The following UGGT2 variants were observed in gnomAD, a reference collection of about 807,000 sequenced individuals.
UGGT2 encodes UDP-glucose glycoprotein glucosyltransferase 2.
Under a neutral mutation model 192.1 loss-of-function variants are expected in UGGT2, and 180 were observed. The observed-to-expected ratio is 0.94, with a 90% confidence interval of 0.83 to 1.06. The LOEUF is 1.06. UGGT2 is among the 50% of genes least tolerant of loss of function. The pLI, the probability that UGGT2 is intolerant of heterozygous loss-of-function variation, is 0.00. For synonymous variants in UGGT2, 580 were observed against 591.0 expected, an observed-to-expected ratio of 0.98 and a Z score of 0.27; for missense variants, 1,849 against 1,795.7, an observed-to-expected ratio of 1.03 and a Z score of -0.54.
At chr13:96,030,959 T>C (rs1352931384) in intron 2 of UGGT2, among the ~76,000 whole-genome samples, 2 of 152,164 alleles carry the variant, frequency 1.3e-5, no homozygotes, top group African/African-American at 4.8e-5. Flanking sequence ...ATTCTGCCAA[T>C]AAAAATGCAA....
chr13:95,900,220 T>C (rs1040780757), intron 22 of UGGT2, among the ~76,000 whole-genome samples: 7 of 152,006 alleles, frequency 4.6e-5, no homozygotes, highest in Non-Finnish European at 5.9e-5. Context: ...GGATGTATTC[T>C]AAAAAACCAA....
At chr13:95,969,056 C>T (rs1221638621) in intron 12 of UGGT2, among the ~76,000 whole-genome samples, 2 of 152,172 alleles carry the variant, frequency 1.3e-5, no homozygotes, top group Admixed American at 6.5e-5. Flanking sequence ...AGAGTTTATA[C>T]AATCTGAGTT....
intron 37 of UGGT2, among the ~76,000 whole-genome samples, chr13:95,834,192 T>C (rs185009805): frequency 7.4e-4 from 111 of 149,798 alleles, no homozygotes; most frequent in Non-Finnish European, 1.4e-3. Flanking sequence ...TTATGTTTTG[T>C]TTAGCTATTT....
chr13:95,870,644 C>T (rs1171142326), intron 29 of UGGT2, among the ~76,000 whole-genome samples: 2 of 152,210 alleles, frequency 1.3e-5, no homozygotes, highest in African/African-American at 4.8e-5. Context: ...GGATCCAGCC[C>T]TCCTGGAGAG....
chr13:95,947,589 T>C (rs1269936812), intron 14 of UGGT2, among the ~76,000 whole-genome samples: 10 of 152,178 alleles, frequency 6.6e-5, no homozygotes, highest in Admixed American at 6.5e-4. Context: ...TAGCTGGGAC[T>C]ATAGGTGCGC....
In UGGT2 at chr13:95,877,927, ATG is replaced by A. The variant is rs910808311; in HGVS notation, c.3229-73_3229-72del. The A allele has an allele frequency of 4.0e-5, 58 of 1,439,950 alleles. No individual in the cohort carries two copies. In the Admixed American group the frequency reaches 1.2e-3, roughly 30 times the overall value. 89.2% of individuals were successfully genotyped at this position (1,439,950 alleles called of 1,614,324 possible). On this transcript the variant is annotated intron_variant, in intron 27 of 38. Coordinates refer to ENST00000376747, the MANE Select transcript of UGGT2 (RefSeq NM_020121.4). ...TAATACAAAATTTTGAAATAAATAA[ATG>A]TGATTATTTTAATATTGGCCAATGT...
intron 38 of UGGT2, among the ~76,000 whole-genome samples, chr13:95,827,653 T>C (rs976526545): frequency 6.6e-6 from 1 of 152,244 alleles, no homozygotes. Flanking sequence ...ATGTAAATTA[T>C]AAAAGATATA....
chr13:95,928,874 GATC>G (rs1208781229), intron 17 of UGGT2, among the ~76,000 whole-genome samples: 1 of 152,184 alleles, frequency 6.6e-6, no homozygotes, highest in African/African-American at 2.4e-5. Context: ...AGTGAGCCGA[GATC>G]ATGCCACTGC....
intron 10 of UGGT2, among the ~76,000 whole-genome samples, chr13:95,978,242 G>A (rs759868383): frequency 6.6e-5 from 10 of 152,040 alleles, no homozygotes; most frequent in South Asian, 4.1e-4. Context: ...ATTTTAACAC[G>A]TGAGACACTA....
chr13:96,026,873 T>G (rs929472841), intron 2 of UGGT2, among the ~76,000 whole-genome samples: 2 of 151,768 alleles, frequency 1.3e-5, no homozygotes, highest in African/African-American at 4.8e-5. Context: ...GGGTTTCACC[T>G]TGTTAGCCAG....
chr13:96,014,045 A>G (rs2052249228), intron 4 of UGGT2, among the ~76,000 whole-genome samples: 1 of 152,170 alleles, frequency 6.6e-6, no homozygotes, highest in Non-Finnish European at 1.5e-5. Flanking sequence ...ATTTCACAAG[A>G]AAAATTAGAC....
chr13:95,948,227 AC>A, intron 13 of UGGT2, 146 bp from the exon 14 acceptor site: 2 of 442,500 alleles, frequency 4.5e-6, no homozygotes, highest in Non-Finnish European at 8.3e-6. Context: ...ATACACACAC[AC>A]ACACACACAC....
At position 95,877,334 on chromosome 13, in the gene UGGT2, C is replaced by T. The variant is rs1444325231; in HGVS notation, c.3418G>A (p.Ala1140Thr). Residue 1140 changes from alanine to threonine, a missense_variant, in exon 29 of 39, where the codon GCT becomes ACT. Coordinates refer to ENST00000376747, the MANE Select transcript of UGGT2 (RefSeq NM_020121.4). The stretch of plus-strand genomic sequence containing the variant: ...CCTTGGTGTAACCTCAGTATCCAAG[C>T]ACCTGGGTTTGCTTTTAATTGAAAA... ...GYFQLKANPG[A>T]WILRLHQGKS... is the part of the protein sequence containing the mutation. The T allele has an allele frequency of 3.1e-6, 5 of 1,606,764 alleles. No individual in the cohort carries two copies. The African/African-American group carries it at 5.4e-5, about 17-fold the overall frequency.
chr13:95,834,154 C>A (rs1887024460), intron 37 of UGGT2, among the ~76,000 whole-genome samples: 1 of 151,642 alleles, frequency 6.6e-6, no homozygotes, highest in South Asian at 2.1e-4. Flanking sequence ...TTTTTTAATT[C>A]TGTCATACTA....
chr13:95,823,573 A>C (rs1885712168), intron 38 of UGGT2, among the ~76,000 whole-genome samples: 1 of 152,070 alleles, frequency 6.6e-6, no homozygotes, highest in South Asian at 2.1e-4. Context: ...ATATAAGAAT[A>C]GCTACGCCTG....
At chr13:95,867,538 TATC>T (rs1044922276) in intron 29 of UGGT2, 115 bp from the exon 30 acceptor site, 5 of 696,084 alleles carry the variant, frequency 7.2e-6, no homozygotes, top group Non-Finnish European at 1.2e-5. Context: ...CTAGTGCATA[TATC>T]ATGTTTTTCT....
chr13:96,045,811 A>C (rs766591139), intron 1 of UGGT2, among the ~76,000 whole-genome samples: 5 of 152,206 alleles, frequency 3.3e-5, no homozygotes, highest in Non-Finnish European at 7.3e-5. Flanking sequence ...GGAAAACTAC[A>C]AAACACTGCT....
intron 17 of UGGT2, among the ~76,000 whole-genome samples, chr13:95,935,233 G>T (rs937462822): frequency 6.6e-6 from 1 of 152,156 alleles, no homozygotes; most frequent in African/African-American, 2.4e-5. Flanking sequence ...GATCCTATGT[G>T]AAGTTCTTAG....
chr13:95,976,256 T>C lies in UGGT2; in HGVS notation c.1093-3585A>G, dbSNP rs988001093. On this transcript the variant is annotated intron_variant, in intron 10 of 38. Transcript: ENST00000376747. ...TTGTTGCTAAAGATGACAGGATTTCTTTTTTATGACTAAATAATATTCCAT... is the reference window on the plus strand; with the variant it reads ...TTGTTGCTAAAGATGACAGGATTTCCTTTTTATGACTAAATAATATTCCAT... Among the ~76,000 whole-genome samples the C allele has an allele frequency of 2.0e-5, 3 of 152,304 alleles. No individual in the cohort carries two copies. In the South Asian group the frequency reaches 6.2e-4, roughly 32 times the overall value.
Sources: gnomAD v4.1 joint callset for allele counts (sites outside exome capture counted in the v4.1 genomes callset) on GRCh38, gnomAD v4.1.1 for gene constraint, MANE v1.5 for transcripts, NCBI Gene and HGNC (gene_info 2026-07-23, HGNC 2026-07-21) for gene names.